MUC4: variants seen among roughly 807,000 people sequenced by gnomAD.
MUC4 encodes the protein mucin 4, cell surface associated.
In MUC4, 202 loss-of-function variants were observed where a neutral mutation model predicts 257.9. The ratio of observed to expected loss-of-function variants is 0.78; its 90% CI spans 0.70 to 0.88. The LOEUF is 0.88. Ranked by LOEUF, MUC4 falls within the 40% of genes least tolerant of loss-of-function variation. The probability of loss-of-function intolerance (pLI) is 0.00; values close to 1 mark genes in which losing one functional copy is unlikely to be tolerated. For missense variants in MUC4, 5,976 were observed against 6,513.7 expected (o/e 0.92, Z 2.84); for synonymous variants, 2,351 against 2,757.1 (o/e 0.85, Z 4.62).
At position 195,778,173 on chromosome 3, in the gene MUC4, G is replaced by A. The variant is rs75089339; in HGVS notation, c.12943+130C>T. ...AAAGCCAGCCCTCAGGAGCGACTCC[G>A]ATGCTGTGTCCCTGTCCTCGGTAAG... On this transcript the variant is annotated intron_variant, in intron 3 of 24. Coordinates refer to ENST00000463781, the MANE Select transcript of MUC4 (RefSeq NM_018406.7). 79 of 1,250,664 alleles carry A rather than the reference G, an allele frequency of 6.3e-5. No homozygotes were observed. In the East Asian group the frequency reaches 1.8e-3, roughly 29 times the overall value. 77.5% of individuals were successfully genotyped at this position (1,250,664 alleles called of 1,614,324 possible). A position where few individuals can be genotyped will look rare whatever the true frequency, so the allele number is the denominator to read the frequency against.
rs763826234 is a variant in MUC4 at position 195,781,710 on chromosome 3, G to T, written c.9870C>A (p.Ser3290=). ...SLPVTDTSSS[S]TGDTTPLLVT... ...CAAGAAGAGGGGTGGTGTCACCTGT[G>T]GATGATGAGGAAGTGTCGGTGACAG... Residue 3290 remains serine (S), a synonymous_variant, in exon 2 of 25, where the codon TCC becomes TCA. Transcript: ENST00000463781. The T allele has an allele frequency of 9.4e-6, 14 of 1,494,236 alleles. No individual in the cohort carries two copies. In the South Asian group the frequency reaches 1.6e-4, roughly 17 times the overall value. The allele number at this position is 1,494,236 out of a possible 1,614,324, so 92.6% of individuals were successfully genotyped here.
intron 1 of MUC4, among the ~76,000 whole-genome samples, chr3:195,795,613 A>C (rs1734471152): frequency 6.6e-6 from 1 of 152,132 alleles, no homozygotes; most frequent in African/African-American, 2.4e-5. Flanking sequence ...AAAGGAAAGG[A>C]AGCAAGACCC....
At chr3:195,775,741 C>CA (rs1724437617) in intron 3 of MUC4, among the ~76,000 whole-genome samples, 1 of 24,644 alleles carries the variant, frequency 4.1e-5, no homozygotes, top group Non-Finnish European at 7.3e-5. Flanking sequence ...CTTCCACACC[C>CA]TTACCTTCCA....
At chr3:195,775,620 TCATACCTTCCACAC>T (rs1724364091) in intron 3 of MUC4, among the ~76,000 whole-genome samples, 2 of 25,806 alleles carry the variant, frequency 7.8e-5, no homozygotes, top group African/African-American at 2.4e-4. Flanking sequence ...CCTTCCACAG[TCATACCTTCCACAC>T]CCATACCTTC....
In MUC4 at chr3:195,789,593, T is replaced by C. The variant is rs1025089674; in HGVS notation, c.1987A>G (p.Thr663Ala). Residue 663 changes from threonine (T) to alanine (A), a missense_variant, in exon 2 of 25, where the codon ACA becomes GCA. Physicochemically the swap from Thr to Ala is moderately conservative, Grantham distance 58. Transcript: ENST00000463781. ...RSVSPMTDTK[T>A]VTTPGSSFTA... ...AAGGAAGAACCTGGGGTGGTGACTG[T>C]CTTGGTGTCAGTCATGGGGGAGACG... 5.6e-6 allele frequency: 9 copies of C among 1,613,762 alleles called. No homozygotes were observed. The highest frequency in any genetic ancestry group is 4.5e-5 in the East Asian group (2 of 44,896).
rs199552700 is a variant in MUC4, at chr3:195,762,059, C to T, written c.14512+28G>A. 33 of 1,566,410 alleles carry T rather than the reference C, an allele frequency of 2.1e-5. No individual in the cohort carries two copies. In the East Asian group the frequency reaches 6.8e-4, roughly 32 times the overall value. ...CGAGCTCCGGCTGGCTCCGCGGAGC[C>T]TCAGAGGCAGGTCCGAGCCGCCCTC... On this transcript the variant is annotated intron_variant, in intron 14 of 24. Transcript: ENST00000463781.
chr3:195,755,160 G>A lies in MUC4; in HGVS notation c.15169-788C>T, dbSNP rs984759907. Among the ~76,000 whole-genome samples, 2 of 151,390 alleles carry A rather than the reference G, an allele frequency of 1.3e-5. No individual in the cohort carries two copies. The highest frequency in any genetic ancestry group is 1.3e-4 in the Admixed American group (2 of 15,180). Reference sequence around the variant, plus strand: ...GCCTCCCGAGGAGCTGGGGCTACAGGCATGCACCACCACGCCCACTAATTT... The same window carrying A: ...GCCTCCCGAGGAGCTGGGGCTACAGACATGCACCACCACGCCCACTAATTT... On this transcript the variant is annotated intron_variant, in intron 18 of 24. Coordinates refer to ENST00000463781, the MANE Select transcript of MUC4 (RefSeq NM_018406.7). This position sits in a 1 kb window ranked among gnomAD's most constrained non-coding sequence, Gnocchi z 5.0.
intron 2 of MUC4, 22 bp from the exon 3 acceptor site, chr3:195,778,477 G>T: frequency 6.2e-7 from 1 of 1,608,864 alleles, no homozygotes; most frequent in Non-Finnish European, 8.5e-7. Context: ...AAAAGACAAG[G>T]CGGGGTGTTT....
intron 7 of MUC4, among the ~76,000 whole-genome samples, chr3:195,767,321 CTGAG>C (rs1720724412): frequency 1.3e-5 from 2 of 152,050 alleles, no homozygotes; most frequent in Non-Finnish European, 2.9e-5. Context: ...TCCCTCAGAA[CTGAG>C]TGAGGCCTTG....
At chr3:195,748,099 G>A (rs1446293721) in intron 24 of MUC4, among the ~76,000 whole-genome samples, 1 of 152,280 alleles carries the variant, frequency 6.6e-6, no homozygotes, top group Non-Finnish European at 1.5e-5. Flanking sequence ...AGGTCTGCGT[G>A]GGGCCGCGGC....
At chr3:195,777,734 C>T (rs1337336340) in intron 3 of MUC4, among the ~76,000 whole-genome samples, 2 of 23,210 alleles carry the variant, frequency 8.6e-5, no homozygotes, top group African/African-American at 1.0e-3. Flanking sequence ...ACCTTCCACA[C>T]CCATACCTTC....
chr3:195,788,466 G>C lies in MUC4; in HGVS notation c.3114C>G (p.Val1038=). Residue 1038 remains valine, a synonymous_variant, in exon 2 of 25, where the codon GTC becomes GTG. Coordinates refer to ENST00000463781, the MANE Select transcript of MUC4 (RefSeq NM_018406.7). ...AAAAGCTGGTGACAGGAAGAGGGGT[G>C]ACGTGACCTGTGGATTCTGAGGAAG... ...TDTSSESTGH[V]TPLPVTSFSS... 2.6e-6 allele frequency: 4 copies of C among 1,525,308 alleles called. No homozygotes were observed. The highest frequency in any genetic ancestry group is 3.5e-6 in the Non-Finnish European group (4 of 1,128,134). The allele number at this position is 1,525,308 out of a possible 1,614,324, so 94.5% of individuals were successfully genotyped here.
At chr3:195,807,548 G>A (rs558069658) in intron 1 of MUC4, among the ~76,000 whole-genome samples, 24 of 152,212 alleles carry the variant, frequency 1.6e-4, no homozygotes, top group Non-Finnish European at 2.6e-4. Flanking sequence ...CGTCGATGAG[G>A]TGCCAACAGA....
chr3:195,792,393 T>C (rs1733974410), intron 1 of MUC4, among the ~76,000 whole-genome samples: 1 of 152,206 alleles, frequency 6.6e-6, no homozygotes, highest in South Asian at 2.1e-4. Flanking sequence ...CTCATCATCA[T>C]GGATCATTAG....
chr3:195,797,777 A>T (rs1314082604), intron 1 of MUC4, among the ~76,000 whole-genome samples: 1 of 152,192 alleles, frequency 6.6e-6, no homozygotes, highest in Non-Finnish European at 1.5e-5. Context: ...ATACATTATT[A>T]GCAAAGTTCT....
intron 24 of MUC4, 144 bp downstream of exon 24, chr3:195,748,758 A>T: frequency 8.9e-7 from 1 of 1,119,736 alleles, no homozygotes; most frequent in Non-Finnish European, 1.2e-6. Context: ...CAGAGCAGGC[A>T]CTCACAACTC....
intron 13 of MUC4, 24 bp from the exon 14 acceptor site, chr3:195,762,278 G>A (rs1223842570): frequency 6.4e-7 from 1 of 1,553,820 alleles, no homozygotes; most frequent in Admixed American, 1.9e-5. Flanking sequence ...AGGCAGCGGA[G>A]AGGAAGCCAG....
rs1722935582 is a variant in MUC4 at position 195,771,767 on chromosome 3, A to G, written c.13127T>C (p.Phe4376Ser). 6.2e-7 allele frequency: 1 copy of G among 1,613,846 alleles called. No individual in the cohort carries two copies. Among genetic ancestry groups the G allele is most frequent in the Non-Finnish European group, 8.5e-7 (1 of 1,179,838 alleles). The change falls in exon 5 of 25, where the codon TTC becomes TCC. Residue 4376 changes from phenylalanine to serine, a missense_variant. Around this residue, in one of 44 missense-constraint regions of MUC4, gnomAD observed 996 missense variants for 1,137.3 expected, o/e 0.88. Coordinates refer to ENST00000463781, the MANE Select transcript of MUC4 (RefSeq NM_018406.7). ...TGTTGGGAGTGGGTTGGGGTAGGAGAAAATCTGGTAGTCTGACTCTGGGAA... is the reference window on the plus strand; with the variant it reads ...TGTTGGGAGTGGGTTGGGGTAGGAGGAAATCTGGTAGTCTGACTCTGGGAA... Reference protein sequence around the residue: ...IIFPESDYQIFSYPNPLPTGF... With the variant: ...IIFPESDYQISSYPNPLPTGF...
rs755422087 is a variant in MUC4, at chr3:195,759,200, C to T, written c.14910G>A (p.Thr4970=). 16 of 1,614,096 alleles carry T rather than the reference C, an allele frequency of 9.9e-6. No homozygotes were observed. The highest frequency in any genetic ancestry group is 2.2e-5 in the South Asian group (2 of 91,072). Residue 4970 remains threonine, a synonymous_variant, in exon 17 of 25, where the codon ACG becomes ACA. Coordinates refer to ENST00000463781, the MANE Select transcript of MUC4 (RefSeq NM_018406.7). ...CAGCATTGCTGGTGTACTGAATCAG[C>T]GTGGTCTGCCCCTTGTAGGCTTCAA... ...RVIEAYKGQT[T]LIQYTSNAED...
Sources: allele counts gnomAD v4.1 joint callset (sites outside exome capture counted in the v4.1 genomes callset), GRCh38; gene constraint gnomAD v4.1.1; regional missense constraint gnomAD v4.1.1; non-coding constraint Gnocchi (gnomAD v3.1); transcripts MANE v1.5; gene names NCBI Gene and HGNC (gene_info 2026-07-23, HGNC 2026-07-21).